The following KIAA1217 variants were observed in gnomAD, a reference collection of about 807,000 sequenced individuals.
KIAA1217 encodes the protein KIAA1217, also known as sickle tail protein homolog.
KIAA1217 carries 88 observed loss-of-function variants against 163.9 expected under a neutral mutation model. The ratio of observed to expected loss-of-function variants is 0.54; its 90% CI spans 0.45 to 0.64. The LOEUF (loss-of-function observed/expected upper bound fraction) is 0.64, where lower values mean the gene tolerates loss of function less well. Ranked by LOEUF, KIAA1217 falls within the 30% of genes least tolerant of loss-of-function variation. The pLI is 0.00. For synonymous variants in KIAA1217, 903 were observed against 923.1 expected, an observed-to-expected ratio of 0.98 and a Z score of 0.39; for missense variants, 2,372 against 2,475.0, an observed-to-expected ratio of 0.96 and a Z score of 0.88.
At chr10:24,176,913 A>T (rs1206509823) in intron 2 of KIAA1217, among the ~76,000 whole-genome samples, 6 of 152,128 alleles carry the variant, frequency 3.9e-5, no homozygotes. Context: ...AACGCAGCAC[A>T]GGTGGGCTGG....
At chr10:24,003,811 C>T (rs1427833458) in intron 1 of KIAA1217, among the ~76,000 whole-genome samples, 1 of 152,142 alleles carries the variant, frequency 6.6e-6, no homozygotes, top group Non-Finnish European at 1.5e-5. Context: ...CATTCAGACT[C>T]AGTGGGTTTC....
intron 8 of KIAA1217, among the ~76,000 whole-genome samples, chr10:24,495,467 T>G (rs2066677346): frequency 6.6e-6 from 1 of 152,214 alleles, no homozygotes; most frequent in Admixed American, 6.5e-5. Flanking sequence ...CGGGGCTGCC[T>G]GCCTAGAACT....
chr10:23,805,874 G>C (rs1343046033), intron 1 of KIAA1217, among the ~76,000 whole-genome samples: 2 of 151,344 alleles, frequency 1.3e-5, no homozygotes, highest in Non-Finnish European at 2.9e-5. Context: ...AAATTAGCTG[G>C]GCGTGGTGGT....
At chr10:24,166,214 AC>A (rs1271823142) in intron 2 of KIAA1217, among the ~76,000 whole-genome samples, 3 of 152,062 alleles carry the variant, frequency 2.0e-5, no homozygotes, top group Non-Finnish European at 4.4e-5. Context: ...TAAATAAATC[AC>A]CTTAATAAAG....
At chr10:24,275,453 G>A (rs2077178977) in intron 2 of KIAA1217, among the ~76,000 whole-genome samples, 1 of 152,224 alleles carries the variant, frequency 6.6e-6, no homozygotes, top group South Asian at 2.1e-4. Context: ...TGTTTAGTTA[G>A]ACGCCACCTG....
At chr10:24,093,240 G>A (rs886215005) in intron 2 of KIAA1217, among the ~76,000 whole-genome samples, 4 of 151,374 alleles carry the variant, frequency 2.6e-5, no homozygotes, top group Admixed American at 6.6e-5. Context: ...GCACCATCTC[G>A]GCTCACTGCA....
intron 1 of KIAA1217, among the ~76,000 whole-genome samples, chr10:23,775,728 A>G (rs1385399340): frequency 6.6e-6 from 1 of 152,228 alleles, no homozygotes; most frequent in Non-Finnish European, 1.5e-5. Flanking sequence ...TATTTCACAT[A>G]ACATGAGGCT....
At chr10:23,819,217 A>C (rs145269706) in intron 1 of KIAA1217, among the ~76,000 whole-genome samples, 1,810 of 152,286 alleles carry the variant, frequency 0.012, 29 homozygotes, top group African/African-American at 0.041. Context: ...CCATGATAAA[A>C]GACTGCATTG....
At chr10:23,975,267 T>G (rs896360217) in intron 1 of KIAA1217, among the ~76,000 whole-genome samples, 1 of 152,182 alleles carries the variant, frequency 6.6e-6, no homozygotes, top group Non-Finnish European at 1.5e-5. Flanking sequence ...GTGGGTCTCT[T>G]GTCTGGCTCC....
rs201441351 is a variant in KIAA1217, at chr10:24,433,145, A to G, written c.704A>G (p.Tyr235Cys). ...CTGGAATCGCCCAGTGTCGCCATTT[A>G]CATCAAAGATGAAAGCAGAAATGTC... ...KMLESPSVAI[Y>C]IKDESRNVYY... is the part of the protein sequence containing the mutation. The change falls in exon 4 of 21, where the codon TAC (tyrosine) becomes TGC (cysteine). Residue 235 changes from tyrosine to cysteine, a missense_variant. Tyr to Cys is a radical substitution (Grantham distance 194). Coordinates refer to ENST00000376454, the MANE Select transcript of KIAA1217 (RefSeq NM_019590.5). 460 of 1,614,050 alleles carry G rather than the reference A, an allele frequency of 2.8e-4. No homozygotes were observed. The highest frequency in any genetic ancestry group is 3.7e-4 in the Non-Finnish European group (436 of 1,180,028).
At chr10:23,743,525 A>G (rs1839233820) in intron 1 of KIAA1217, among the ~76,000 whole-genome samples, 1 of 152,212 alleles carries the variant, frequency 6.6e-6, no homozygotes, top group Non-Finnish European at 1.5e-5. Flanking sequence ...TTGTACAATT[A>G]TATTTGCTCT....
At chr10:24,388,253 C>T (rs571002920) in intron 3 of KIAA1217, among the ~76,000 whole-genome samples, 1 of 152,282 alleles carries the variant, frequency 6.6e-6, no homozygotes, top group South Asian at 2.1e-4. Flanking sequence ...TAATACCACA[C>T]ATCTACAACT....
chr10:24,202,164 C>G (rs1413190452), intron 2 of KIAA1217, among the ~76,000 whole-genome samples: 2 of 152,204 alleles, frequency 1.3e-5, no homozygotes, highest in Non-Finnish European at 2.9e-5. Flanking sequence ...AAGCCTATGG[C>G]CATCACTCAA....
intron 2 of KIAA1217, among the ~76,000 whole-genome samples, chr10:24,092,534 A>G (rs558619677): frequency 1.3e-5 from 2 of 151,980 alleles, no homozygotes; most frequent in East Asian, 3.9e-4. Flanking sequence ...GGGTACACAA[A>G]TTGCAGTCTG....
chr10:24,484,239 A>ATTTTTTTT (rs1554896420), intron 6 of KIAA1217, among the ~76,000 whole-genome samples: 2 of 86,196 alleles, frequency 2.3e-5, no homozygotes, highest in Non-Finnish European at 4.6e-5. Context: ...ATATATATAT[A>ATTTTTTTT]TATTTTTTTT....
chr10:24,184,568 A>G (rs1337192407), intron 2 of KIAA1217, among the ~76,000 whole-genome samples: 1 of 152,160 alleles, frequency 6.6e-6, no homozygotes, highest in Non-Finnish European at 1.5e-5. Context: ...CCTCAAGTAT[A>G]TGTTATGGAG....
chr10:23,876,276 C>G (rs1307155794), intron 1 of KIAA1217, among the ~76,000 whole-genome samples: 1 of 151,570 alleles, frequency 6.6e-6, no homozygotes, highest in Non-Finnish European at 1.5e-5. Context: ...GGGAGCACAA[C>G]ACTGGGTACT....
At chr10:23,699,185 G>T (rs1836247622) in intron 1 of KIAA1217, among the ~76,000 whole-genome samples, 1 of 152,210 alleles carries the variant, frequency 6.6e-6, no homozygotes, top group Non-Finnish European at 1.5e-5. Context: ...AAAGGACTTG[G>T]TTGGGGTCCT....
intron 2 of KIAA1217, among the ~76,000 whole-genome samples, chr10:24,370,422 T>C (rs566430526): frequency 1.4e-4 from 21 of 152,156 alleles, no homozygotes; most frequent in Non-Finnish European, 2.6e-4. Context: ...ATACATGATA[T>C]TTTACATATG....
Sources: gnomAD v4.1 joint callset for allele counts (sites outside exome capture counted in the v4.1 genomes callset) on GRCh38, gnomAD v4.1.1 for gene constraint, MANE v1.5 for transcripts, NCBI Gene and HGNC (gene_info 2026-07-23, HGNC 2026-07-21) for gene names.